The following PKHD1 variants were observed in gnomAD, a reference collection of about 807,000 sequenced individuals.
PKHD1 encodes the protein PKHD1 ciliary IPT domain containing fibrocystin/polyductin.
PKHD1 carries 291 observed loss-of-function variants against 412.0 expected under a neutral mutation model. The ratio of observed to expected loss-of-function variants is 0.71; its 90% CI spans 0.64 to 0.78. The LOEUF (loss-of-function observed/expected upper bound fraction) is 0.78. PKHD1 is among the 30% of genes least tolerant of loss of function. PKHD1 has a pLI of 0.00. For synonymous variants in PKHD1, 1,777 were observed against 1,821.5 expected (o/e 0.98, Z 0.62); for missense variants, 4,825 against 4,950.7 (o/e 0.97, Z 0.76).
At position 51,734,445 on chromosome 6, in the gene PKHD1, CA is replaced by C. The variant is rs1783593508; in HGVS notation, c.10156+9939del. Among the ~76,000 whole-genome samples, 3 of 152,272 alleles carry C rather than the reference CA, an allele frequency of 2.0e-5. No individual in the cohort carries two copies. The South Asian group carries it at 6.2e-4, about 32-fold the overall frequency. On this transcript the variant is annotated intron_variant, in intron 60 of 66. Transcript: ENST00000371117. ...ACTTTCTTATTCACATTTGTTCCCT[CA>C]TTCAGCAAACATTAACAAAGCCTAT...
intron 25 of PKHD1, 86 bp from the exon 26 acceptor site, chr6:52,043,816 C>T: frequency 4.6e-6 from 4 of 870,998 alleles, no homozygotes; most frequent in Non-Finnish European, 7.8e-6. Context: ...TGCTCCCAAG[C>T]TGACACGTGT....
Position 52,025,675 on chromosome 6 carries a change from A to G in PKHD1, c.4135T>C (p.Ser1379Pro). 1 of 1,614,150 alleles carries G rather than the reference A, an allele frequency of 6.2e-7. No homozygotes were observed. The highest frequency in any genetic ancestry group is 8.5e-7 in the Non-Finnish European group (1 of 1,180,028). The change falls in exon 32 of 67, where the codon TCT becomes CCT. Residue 1379 changes from serine (S) to proline (P), a missense_variant. Transcript: ENST00000371117. ...RQKQMGFANM[S>P]VVLQQFAVMP... ...ACTGCAAATTGCTGGAGCACCACAG[A>G]CATATTAGCAAATCCCATCTGCTTC... is the stretch of plus-strand genomic sequence containing the variant.
chr6:51,631,552 CTCTT>C (rs1767920127), intron 65 of PKHD1, among the ~76,000 whole-genome samples: 1 of 152,138 alleles, frequency 6.6e-6, no homozygotes, highest in South Asian at 2.1e-4. Context: ...CTCTTTGCCT[CTCTT>C]TATTTCTCCT....
At chr6:52,083,322 T>A in intron 2 of PKHD1, 67 bp from the exon 3 acceptor site, 1 of 1,027,016 alleles carries the variant, frequency 9.7e-7, no homozygotes. Context: ...TCTGCAATAT[T>A]TTAAGCAATA....
intron 39 of PKHD1, 60 bp from the exon 40 acceptor site, chr6:51,909,534 T>A: frequency 7.6e-7 from 1 of 1,317,458 alleles, no homozygotes. Flanking sequence ...TCCAGACAAA[T>A]CTCCCAGTTT....
intron 64 of PKHD1, among the ~76,000 whole-genome samples, chr6:51,633,325 G>A (rs1054100644): frequency 6.6e-6 from 1 of 151,996 alleles, no homozygotes; most frequent in South Asian, 2.1e-4. Flanking sequence ...TATGGAGACA[G>A]AAAAATTTCT....
intron 35 of PKHD1, among the ~76,000 whole-genome samples, chr6:51,991,091 GCAT>G (rs140208224): frequency 0.02 from 3,077 of 152,260 alleles, 49 homozygotes; most frequent in South Asian, 0.048. Flanking sequence ...CTGGTGCCAA[GCAT>G]CATGGACAAC....
At chr6:51,901,234 G>A (rs1027752169) in intron 43 of PKHD1, among the ~76,000 whole-genome samples, 8 of 152,040 alleles carry the variant, frequency 5.3e-5, no homozygotes, top group South Asian at 2.1e-4. Context: ...TGTTTATTGC[G>A]GCATTAGTCA....
At position 51,748,370 on chromosome 6, in the gene PKHD1, T is replaced by A. The variant is rs1327438101; in HGVS notation, c.9246A>T (p.Lys3082Asn). ...AWSTIWVAGIKVNQVKDINLH... is the reference protein window; with the variant it reads ...AWSTIWVAGINVNQVKDINLH... The stretch of plus-strand genomic sequence containing the variant: ...GGTTGATGTCCTTTACCTGGTTCAC[T>A]TTGATTCCCGCCACCCAAATGGTGG... Residue 3082 changes from lysine (K) to asparagine (N), a missense_variant, in exon 58 of 67, where the codon AAA becomes AAT. Coordinates refer to ENST00000371117, the MANE Select transcript of PKHD1 (RefSeq NM_138694.4). The A allele has an allele frequency of 6.2e-7, 1 of 1,614,070 alleles. No individual in the cohort carries two copies.
In PKHD1 at chr6:52,071,634, G is replaced by A. The variant is rs117427325; in HGVS notation, c.602+481C>T. ...AAATTTTTTATTATTTTTACCTTTG[G>A]CTAGTCACTGAAGTATAGTGGTTAA... On this transcript the variant is annotated intron_variant, in intron 8 of 66. Transcript: ENST00000371117. 1.2e-4 allele frequency among the ~76,000 whole-genome samples: 19 copies of A among 152,180 alleles called. No homozygotes were observed. The East Asian group carries it at 3.7e-3, about 29-fold the overall frequency.
chr6:51,860,712 T>C lies in PKHD1; in HGVS notation c.7734-4642A>G, dbSNP rs143476980. 2.4e-3 allele frequency among the ~76,000 whole-genome samples: 371 copies of C among 152,304 alleles called. 3 individuals carry two copies. Among genetic ancestry groups the C allele is most frequent in the African/African-American group, 8.0e-3 (331 of 41,586 alleles). On this transcript the variant is annotated intron_variant, in intron 48 of 66. Transcript: ENST00000371117. ...TCTGCATCAGCAACAGCTCCTCCTGTCTATGATCAAAAAGACAAAAGGGCT... is the reference window on the plus strand; with the variant it reads ...TCTGCATCAGCAACAGCTCCTCCTGCCTATGATCAAAAAGACAAAAGGGCT...
intron 10 of PKHD1, 64 bp downstream of exon 10, chr6:52,070,342 G>A (rs2128229035): frequency 1.0e-6 from 1 of 979,480 alleles, no homozygotes; most frequent in South Asian, 1.3e-5. Context: ...AAGTAAGCAA[G>A]ATGAGAGAGA....
At chr6:51,905,279 A>G (rs1326105679) in intron 41 of PKHD1, among the ~76,000 whole-genome samples, 1 of 152,146 alleles carries the variant, frequency 6.6e-6, no homozygotes, top group African/African-American at 2.4e-5. Flanking sequence ...TAGATCTACA[A>G]TGCACTAGTT....
chr6:51,824,591 T>C (rs1342010448), intron 52 of PKHD1, among the ~76,000 whole-genome samples: 1 of 152,170 alleles, frequency 6.6e-6, no homozygotes, highest in African/African-American at 2.4e-5. Flanking sequence ...TTTTTATTTA[T>C]TTTTATTGGA....
intron 55 of PKHD1, among the ~76,000 whole-genome samples, chr6:51,767,427 G>A (rs1230731228): frequency 2.6e-5 from 4 of 152,000 alleles, no homozygotes; most frequent in Non-Finnish European, 5.9e-5. Flanking sequence ...ATGTTGGTAT[G>A]CTGCACCCAT....
intron 27 of PKHD1, among the ~76,000 whole-genome samples, chr6:52,041,384 T>C (rs1804859459): frequency 6.6e-6 from 1 of 152,140 alleles, no homozygotes; most frequent in Admixed American, 6.6e-5. Context: ...TCTAACAAGC[T>C]CATGGGTATT....
At chr6:51,777,679 G>GGA (rs1791264722) in intron 53 of PKHD1, among the ~76,000 whole-genome samples, 1 of 118,796 alleles carries the variant, frequency 8.4e-6, no homozygotes, top group Non-Finnish European at 1.7e-5. Context: ...GAGTCTTTGG[G>GGA]AAAAAAAAAA....
intron 46 of PKHD1, among the ~76,000 whole-genome samples, chr6:51,872,780 T>C (rs1000303302): frequency 2.0e-5 from 3 of 151,668 alleles, no homozygotes; most frequent in African/African-American, 7.3e-5. Flanking sequence ...AAAATTTCAA[T>C]GCAAAATGAA....
At chr6:51,721,947 A>G (rs1288741088) in intron 60 of PKHD1, 1 of 1,613,082 alleles carries the variant, frequency 6.2e-7, no homozygotes, top group Non-Finnish European at 8.5e-7. Flanking sequence ...CTGCTGCCTC[A>G]TTAATCTTTC....
Sources: gnomAD v4.1 joint callset for allele counts (sites outside exome capture counted in the v4.1 genomes callset) on GRCh38, gnomAD v4.1.1 for gene constraint, MANE v1.5 for transcripts, NCBI Gene and HGNC (gene_info 2026-07-23, HGNC 2026-07-21) for gene names.